The following EXOSC4 variants were observed in gnomAD, a reference collection of about 807,000 sequenced individuals.
EXOSC4 encodes the protein exosome complex component RRP41.
A neutral mutation model predicts 20.0 loss-of-function variants in EXOSC4; 14 were observed. The ratio of observed to expected loss-of-function variants is 0.70; its 90% confidence interval spans 0.46 to 1.09. The LOEUF is 1.09. Among genes scored for constraint, EXOSC4 ranks in the 50% least tolerant of loss-of-function variants. EXOSC4 has a pLI of 0.00. For missense variants in EXOSC4, 337 were observed against 334.0 expected (o/e 1.01, Z -0.07); for synonymous variants, 148 against 146.4 (o/e 1.01, Z -0.08).
chr8:144,079,671 T>A, intron 1 of EXOSC4: 1 of 624,240 alleles, frequency 1.6e-6, no homozygotes, highest in Non-Finnish European at 3.0e-6. Context: ...TAGTTAGGAT[T>A]TGAGTGTGTA....
At chr8:144,065,605 G>C in the EXOSC4 span, among the ~76,000 whole-genome samples, 3 of 151,806 alleles carry the variant, frequency 2.0e-5, no homozygotes, top group Admixed American at 6.6e-5. Context: ...CGCGATGGCA[G>C]GCACCTGTAA....
chr8:144,067,136 T>G, the EXOSC4 span, among the ~76,000 whole-genome samples: 1,285 of 152,220 alleles, frequency 8.4e-3, 9 homozygotes, highest in Non-Finnish European at 0.014. Flanking sequence ...CAGTCAACTT[T>G]CAACTCACAC....
chr8:144,064,964 G>C, the EXOSC4 span, among the ~76,000 whole-genome samples: 1 of 150,908 alleles, frequency 6.6e-6, no homozygotes, highest in Non-Finnish European at 1.5e-5. Flanking sequence ...GCGTCAGCCT[G>C]CCAAGTAGCT....
chr8:144,080,139 T>C lies in EXOSC4; in HGVS notation c.368T>C (p.Ile123Thr). ...CTGCACCCACGCTCCCAGATTGATATCTATGTGCAGGTGAGCCAGCTGCAG... is the reference window on the plus strand; with the variant it reads ...CTGCACCCACGCTCCCAGATTGATACCTATGTGCAGGTGAGCCAGCTGCAG... ...TQLHPRSQID[I>T]YVQVLQADGG... is the part of the protein sequence containing the mutation. Residue 123 changes from isoleucine to threonine, a missense_variant, in exon 2 of 3, where the codon ATC becomes ACC. Coordinates refer to ENST00000316052, the MANE Select transcript of EXOSC4 (RefSeq NM_019037.3). The surrounding 1 kb of genome is among the most constrained non-coding windows in gnomAD (Gnocchi z 4.9). 1.9e-6 allele frequency: 3 copies of C among 1,611,964 alleles called. No individual in the cohort carries two copies. The highest frequency in any genetic ancestry group is 2.2e-5 in the East Asian group (1 of 44,804).
chr8:144,070,861 G>C, the EXOSC4 span, among the ~76,000 whole-genome samples: 32 of 151,922 alleles, frequency 2.1e-4, no homozygotes, highest in African/African-American at 7.5e-4. Context: ...CAGAGAAATT[G>C]AGGGACCTAC....
the EXOSC4 span, among the ~76,000 whole-genome samples, chr8:144,066,183 AT>A: frequency 4.1e-5 from 6 of 148,132 alleles, no homozygotes; most frequent in African/African-American, 7.5e-5. Flanking sequence ...CACCTGGCTG[AT>A]TTTTTTTTGT....
At chr8:144,072,473 G>A in the EXOSC4 span, among the ~76,000 whole-genome samples, 5 of 152,048 alleles carry the variant, frequency 3.3e-5, no homozygotes, top group Non-Finnish European at 7.4e-5. Flanking sequence ...GAGCCACCGC[G>A]CCCGACCTAC....
chr8:144,076,661 A>ATAG (rs1554762752), upstream of EXOSC4, among the ~76,000 whole-genome samples: 4 of 152,178 alleles, frequency 2.6e-5, no homozygotes, highest in Non-Finnish European at 5.9e-5. Context: ...CCCACTTTGG[A>ATAG]CACCTTAGGC....
chr8:144,065,018 A>T, the EXOSC4 span, among the ~76,000 whole-genome samples: 3 of 150,778 alleles, frequency 2.0e-5, no homozygotes, highest in African/African-American at 4.9e-5. Flanking sequence ...ATTTTTTTGT[A>T]TTTTTTTTAG....
At position 144,078,717 on chromosome 8, in the gene EXOSC4, C is replaced by T. The variant is rs782218536; in HGVS notation, c.-12C>T. 3 of 1,441,012 alleles carry T rather than the reference C, an allele frequency of 2.1e-6. No individual in the cohort carries two copies. The highest frequency in any genetic ancestry group is 1.8e-6 in the Non-Finnish European group (2 of 1,094,314). The allele number at this position is 1,441,012 out of a possible 1,614,324, so 89.3% of individuals were successfully genotyped here. A position where few individuals can be genotyped will look rare whatever the true frequency, so the allele number is the denominator to read the frequency against. On this transcript the variant is annotated 5_prime_UTR_variant, in exon 1 of 3. Transcript: ENST00000316052. This position sits in a 1 kb window ranked among gnomAD's most constrained non-coding sequence, Gnocchi z 4.7. The stretch of plus-strand genomic sequence containing the variant: ...AGAAGTAGGCAGAGAGCGGACCTGG[C>T]GGCCGGGCAGCATGGCGGGGCTGGA...
the EXOSC4 span, among the ~76,000 whole-genome samples, chr8:144,072,718 G>A: frequency 6.6e-6 from 1 of 152,324 alleles, no homozygotes; most frequent in Non-Finnish European, 1.5e-5. Context: ...TGATGCAAAT[G>A]ACAGGATTTC....
chr8:144,074,142 G>A (rs529014024), upstream of EXOSC4, among the ~76,000 whole-genome samples: 16 of 152,186 alleles, frequency 1.1e-4, 1 homozygote, highest in African/African-American at 3.4e-4. Flanking sequence ...TCCCGGCTTG[G>A]GCCCCAACAA....
At chr8:144,076,997 G>A (rs969529902), upstream of EXOSC4, among the ~76,000 whole-genome samples, 2 of 152,008 alleles carry the variant, frequency 1.3e-5, no homozygotes. Flanking sequence ...TTTGAACCCA[G>A]GAGGTGGAGG....
At chr8:144,079,699 G>A (rs1189049778) in intron 1 of EXOSC4, 9 of 673,332 alleles carry the variant, frequency 1.3e-5, no homozygotes, top group South Asian at 3.0e-5. Context: ...CAGAAGCAGC[G>A]TTGATGTTTG....
the EXOSC4 span, among the ~76,000 whole-genome samples, chr8:144,067,022 G>T: frequency 6.6e-6 from 1 of 151,906 alleles, no homozygotes; most frequent in African/African-American, 2.4e-5. Flanking sequence ...GGGAGGCAGA[G>T]GTTGTGGAGA....
chr8:144,072,361 A>G, the EXOSC4 span, among the ~76,000 whole-genome samples: 2 of 152,112 alleles, frequency 1.3e-5, no homozygotes, highest in African/African-American at 4.8e-5. Context: ...TTATATTTTT[A>G]GTAGAGATGG....
At chr8:144,079,219 G>A in intron 1 of EXOSC4, 1 of 286,920 alleles carries the variant, frequency 3.5e-6, no homozygotes, top group Non-Finnish European at 6.5e-6. Flanking sequence ...TATTATCCAC[G>A]CGGTACTTCT....
upstream of EXOSC4, among the ~76,000 whole-genome samples, chr8:144,073,966 G>A (rs782125173): frequency 2.6e-5 from 4 of 152,168 alleles, no homozygotes; most frequent in Non-Finnish European, 2.9e-5. Flanking sequence ...TAGTGGCACA[G>A]TCTGCTGAAG....
the EXOSC4 span, among the ~76,000 whole-genome samples, chr8:144,072,022 G>A: frequency 3.9e-5 from 6 of 152,262 alleles, no homozygotes; most frequent in East Asian, 9.6e-4. Flanking sequence ...TATTTATGGG[G>A]TATATGTGAT....
Sources: allele counts gnomAD v4.1 joint callset (sites outside exome capture counted in the v4.1 genomes callset), GRCh38; gene constraint gnomAD v4.1.1; non-coding constraint Gnocchi (gnomAD v3.1); transcripts MANE v1.5; gene names NCBI Gene and HGNC (gene_info 2026-07-23, HGNC 2026-07-21).